Variants in EPHA4 observed in about 807,000 individuals in gnomAD.
EPHA4 encodes the protein EPH receptor A4.
In EPHA4, 19 loss-of-function variants were observed where a neutral mutation model predicts 108.3. That is an observed-to-expected ratio of 0.18 (90% CI 0.12 to 0.26). The LOEUF (loss-of-function observed/expected upper bound fraction) is 0.26, where lower values mean the gene tolerates loss of function less well. Among genes scored for constraint, EPHA4 ranks in the 10% least tolerant of loss-of-function variants. The pLI, the probability that EPHA4 is intolerant of heterozygous loss-of-function variation, is 1.00. For synonymous variants in EPHA4, 449 were observed against 455.5 expected (o/e 0.99, Z 0.18); for missense variants, 917 against 1,254.0 (o/e 0.73, Z 4.06).
At position 221,486,735 on chromosome 2, in the gene EPHA4, A is replaced by AAATAATAAT. The variant is rs34218724; in HGVS notation, c.980-4054_980-4046dup. 2.3e-3 allele frequency among the ~76,000 whole-genome samples: 324 copies of AAATAATAAT among 138,990 alleles called. 1 individual carries two copies. Among genetic ancestry groups the AAATAATAAT allele is most frequent in the Middle Eastern group, 3.8e-3 (1 of 264 alleles). 91.2% of individuals were successfully genotyped at this position (138,990 alleles called of 152,430 possible). ...GGTAACAGAGTGAGACTCTGTCTCA[A>AAATAATAAT]AATAATAATAATAATAATAATAATA... On this transcript the variant is annotated intron_variant, in intron 4 of 17. Coordinates refer to ENST00000281821, the MANE Select transcript of EPHA4 (RefSeq NM_004438.5).
At chr2:221,441,197 CTT>C (rs201795751) in intron 11 of EPHA4, among the ~76,000 whole-genome samples, 54 of 132,074 alleles carry the variant, frequency 4.1e-4, no homozygotes, top group Non-Finnish European at 4.5e-4. Context: ...CTTTTCTTTT[CTT>C]TTTTTTTTTT....
chr2:221,559,730 AC>A (rs1374755376), intron 3 of EPHA4, among the ~76,000 whole-genome samples: 1 of 152,066 alleles, frequency 6.6e-6, no homozygotes, highest in African/African-American at 2.4e-5. Context: ...CCTTTTTCCA[AC>A]AGTCTGATGT....
intron 5 of EPHA4, among the ~76,000 whole-genome samples, chr2:221,461,209 A>G (rs1045268869): frequency 3.3e-5 from 5 of 152,192 alleles, no homozygotes; most frequent in African/African-American, 1.2e-4. Flanking sequence ...GGGCAATTCA[A>G]TATTACATAA....
intron 2 of EPHA4, 50 bp downstream of exon 2, chr2:221,568,668 C>T (rs1235044278): frequency 1.3e-6 from 2 of 1,499,784 alleles, no homozygotes; most frequent in Non-Finnish European, 1.8e-6. Context: ...CAGAAAGTTG[C>T]TAATCACTCC....
At chr2:221,567,695 C>T (rs1694715526) in intron 2 of EPHA4, among the ~76,000 whole-genome samples, 1 of 152,158 alleles carries the variant, frequency 6.6e-6, no homozygotes, top group South Asian at 2.1e-4. Flanking sequence ...TGAAATATGT[C>T]CTTGATAGCA....
At chr2:221,481,851 A>G (rs970732210) in intron 5 of EPHA4, among the ~76,000 whole-genome samples, 5 of 152,228 alleles carry the variant, frequency 3.3e-5, no homozygotes, top group Non-Finnish European at 5.9e-5. Flanking sequence ...ATACCAAAAG[A>G]GCACTCTGCA....
chr2:221,499,730 ATATATATATATATATATATATATATAT>A (rs1475806202), intron 4 of EPHA4, among the ~76,000 whole-genome samples: 1 of 41,222 alleles, frequency 2.4e-5, no homozygotes. Flanking sequence ...ATATATATAT[ATATATATATATATATATATATATATAT>A]TTTTTTTTTT....
intron 17 of EPHA4, among the ~76,000 whole-genome samples, chr2:221,423,224 A>G (rs890234470): frequency 6.6e-6 from 1 of 152,248 alleles, no homozygotes; most frequent in Non-Finnish European, 1.5e-5. Flanking sequence ...TTAAGGTATC[A>G]TTATCTCTCT....
At chr2:221,466,020 C>T (rs112919580) in intron 5 of EPHA4, among the ~76,000 whole-genome samples, 192 of 152,252 alleles carry the variant, frequency 1.3e-3, no homozygotes, top group African/African-American at 4.5e-3. Flanking sequence ...TGGTCATGCA[C>T]GATGAGCAGA....
intron 3 of EPHA4, among the ~76,000 whole-genome samples, chr2:221,555,177 G>T (rs1272483379): frequency 6.6e-6 from 1 of 152,180 alleles, no homozygotes; most frequent in Non-Finnish European, 1.5e-5. Context: ...GGGGGCAGAG[G>T]TGCATAAAAA....
chr2:221,531,170 T>A (rs2680848), intron 3 of EPHA4, among the ~76,000 whole-genome samples: 1 of 151,850 alleles, frequency 6.6e-6, no homozygotes, highest in Non-Finnish European at 1.5e-5. Context: ...GTATTGAAAC[T>A]GCAGAATTAG....
chr2:221,528,404 G>A (rs1307774403), intron 3 of EPHA4, among the ~76,000 whole-genome samples: 1 of 152,036 alleles, frequency 6.6e-6, no homozygotes, highest in African/African-American at 2.4e-5. Context: ...AACAAAATTC[G>A]AGCAGCCAAT....
At chr2:221,566,876 A>AGAAGAAGGAGAT (rs1694658951) in intron 2 of EPHA4, among the ~76,000 whole-genome samples, 1 of 22,652 alleles carries the variant, frequency 4.4e-5, no homozygotes, top group Non-Finnish European at 7.6e-5. Flanking sequence ...AAGAAGAAGA[A>AGAAGAAGGAGAT]GGAGAAGGAG....
intron 8 of EPHA4, among the ~76,000 whole-genome samples, chr2:221,446,705 A>G (rs1160567010): frequency 1.3e-5 from 2 of 152,224 alleles, no homozygotes; most frequent in African/African-American, 2.4e-5. Flanking sequence ...ATCATATTAC[A>G]TGATACTCTT....
At chr2:221,458,829 A>G (rs1411622908) in intron 5 of EPHA4, among the ~76,000 whole-genome samples, 1 of 152,148 alleles carries the variant, frequency 6.6e-6, no homozygotes, top group Non-Finnish European at 1.5e-5. Flanking sequence ...GCTGGTACCC[A>G]TGCACAATCT....
chr2:221,427,935 T>C (rs905076667), intron 15 of EPHA4, among the ~76,000 whole-genome samples: 1 of 152,192 alleles, frequency 6.6e-6, no homozygotes, highest in African/African-American at 2.4e-5. Context: ...AATAATACCT[T>C]GCCATTGTAA....
intron 3 of EPHA4, among the ~76,000 whole-genome samples, chr2:221,557,243 A>T (rs1489664810): frequency 6.6e-6 from 1 of 152,048 alleles, no homozygotes; most frequent in Non-Finnish European, 1.5e-5. Flanking sequence ...CCATCGCTTC[A>T]CTCTTCCCTG....
intron 17 of EPHA4, among the ~76,000 whole-genome samples, chr2:221,423,341 G>A (rs143363282): frequency 2.0e-5 from 3 of 152,318 alleles, no homozygotes; most frequent in Admixed American, 1.3e-4. Context: ...GCCAGAGTCT[G>A]GCTCTGCGCC....
chr2:221,527,406 G>A (rs1381398406), intron 3 of EPHA4, among the ~76,000 whole-genome samples: 1 of 152,174 alleles, frequency 6.6e-6, no homozygotes, highest in East Asian at 1.9e-4. Context: ...AGCTGAAATA[G>A]ATACAGTTCC....
Sources: allele counts gnomAD v4.1 joint callset (sites outside exome capture counted in the v4.1 genomes callset), GRCh38; gene constraint gnomAD v4.1.1; transcripts MANE v1.5; gene names NCBI Gene and HGNC (gene_info 2026-07-23, HGNC 2026-07-21).